The following NKAIN2 variants were observed in gnomAD, a reference collection of about 807,000 sequenced individuals.
NKAIN2 encodes sodium/potassium-transporting ATPase subunit beta-1-interacting protein 2.
Under a neutral mutation model 32.6 loss-of-function variants are expected in NKAIN2, and 14 were observed. The ratio of observed to expected loss-of-function variants is 0.43; its 90% CI spans 0.28 to 0.67. NKAIN2 has a LOEUF of 0.67. Ranked by LOEUF, NKAIN2 falls within the 30% of genes least tolerant of loss-of-function variation. The probability of loss-of-function intolerance (pLI) is 0.17; values close to 1 mark genes in which losing one functional copy is unlikely to be tolerated. For missense variants in NKAIN2, 198 were observed against 258.3 expected (o/e 0.77, Z 1.60); for synonymous variants, 80 against 87.2 (o/e 0.92, Z 0.46).
At chr6:124,209,585 G>T (rs1054028759) in intron 1 of NKAIN2, among the ~76,000 whole-genome samples, 1 of 151,626 alleles carries the variant, frequency 6.6e-6, no homozygotes, top group East Asian at 1.9e-4. Flanking sequence ...AGTATACAAG[G>T]GTTACCCTTT....
chr6:124,185,963 C>T (rs1265535035), intron 1 of NKAIN2, among the ~76,000 whole-genome samples: 1 of 151,694 alleles, frequency 6.6e-6, no homozygotes, highest in African/African-American at 2.4e-5. Context: ...AAAGCATTTG[C>T]TTGTTACCCA....
chr6:124,068,795 A>G (rs1783309296), intron 1 of NKAIN2, among the ~76,000 whole-genome samples: 1 of 151,588 alleles, frequency 6.6e-6, no homozygotes, highest in African/African-American at 2.4e-5. Flanking sequence ...ACTACACCAT[A>G]TGTCTTTTGA....
intron 2 of NKAIN2, among the ~76,000 whole-genome samples, chr6:124,351,874 G>A (rs1798750507): frequency 6.6e-6 from 1 of 152,044 alleles, no homozygotes; most frequent in Non-Finnish European, 1.5e-5. Context: ...ACCCACCTCG[G>A]CCTCCCAAAG....
chr6:124,585,452 TAA>T (rs1269142373), intron 3 of NKAIN2, among the ~76,000 whole-genome samples: 4 of 152,274 alleles, frequency 2.6e-5, no homozygotes, highest in South Asian at 2.1e-4. Context: ...TAAAAATAAC[TAA>T]AAGAGTATAA....
chr6:123,871,512 G>C (rs1772877501), intron 1 of NKAIN2, among the ~76,000 whole-genome samples: 1 of 151,942 alleles, frequency 6.6e-6, no homozygotes, highest in African/African-American at 2.4e-5. Flanking sequence ...CCCCCCAGTT[G>C]AATGCTGTTT....
intron 3 of NKAIN2, among the ~76,000 whole-genome samples, chr6:124,632,647 A>C (rs116877880): frequency 0.027 from 4,174 of 152,204 alleles, 100 homozygotes; most frequent in Admixed American, 0.05. Context: ...TTGGCTTTGT[A>C]TGTTATAAAA....
At chr6:124,724,697 G>T (rs1776189263) in intron 4 of NKAIN2, among the ~76,000 whole-genome samples, 1 of 152,212 alleles carries the variant, frequency 6.6e-6, no homozygotes, top group African/African-American at 2.4e-5. Context: ...AATTAAGGAT[G>T]AGGATTATGT....
At chr6:124,796,087 C>T (rs1237048408) in intron 5 of NKAIN2, among the ~76,000 whole-genome samples, 1 of 152,066 alleles carries the variant, frequency 6.6e-6, no homozygotes, top group Non-Finnish European at 1.5e-5. Flanking sequence ...GCTGTACCTA[C>T]CAGGGGATGA....
intron 3 of NKAIN2, among the ~76,000 whole-genome samples, chr6:124,377,747 C>T (rs557198811): frequency 4.7e-4 from 72 of 152,178 alleles, no homozygotes; most frequent in Non-Finnish European, 8.5e-4. Flanking sequence ...TGATTTTTAG[C>T]GTGGAATGAC....
At chr6:123,867,862 A>ATTTTTTTTTTTTTTT (rs1201240894) in intron 1 of NKAIN2, among the ~76,000 whole-genome samples, 1 of 129,198 alleles carries the variant, frequency 7.7e-6, no homozygotes. Flanking sequence ...TACTGGGTTC[A>ATTTTTTTTTTTTTTT]TTTTTTTTTT....
chr6:124,239,608 A>G (rs942854573), intron 1 of NKAIN2, among the ~76,000 whole-genome samples: 4 of 152,162 alleles, frequency 2.6e-5, no homozygotes, highest in African/African-American at 9.7e-5. Flanking sequence ...ACACCACACA[A>G]CTACATGGAA....
At chr6:124,406,639 A>T (rs536231571) in intron 3 of NKAIN2, among the ~76,000 whole-genome samples, 2 of 152,144 alleles carry the variant, frequency 1.3e-5, no homozygotes, top group East Asian at 1.9e-4. Flanking sequence ...TGTATGTTTA[A>T]TTTTTAGCAA....
intron 3 of NKAIN2, among the ~76,000 whole-genome samples, chr6:124,413,903 A>C (rs963062147): frequency 6.6e-6 from 1 of 152,124 alleles, no homozygotes; most frequent in Non-Finnish European, 1.5e-5. Context: ...TACTAAACTC[A>C]TTTATTAGAT....
At chr6:123,836,432 A>G (rs1774625022) in intron 1 of NKAIN2, among the ~76,000 whole-genome samples, 1 of 152,068 alleles carries the variant, frequency 6.6e-6, no homozygotes, top group Non-Finnish European at 1.5e-5. Flanking sequence ...CTTCTGTGGC[A>G]TTCTTCCCCA....
chr6:124,060,604 G>A (rs955471044), intron 1 of NKAIN2, among the ~76,000 whole-genome samples: 1 of 152,078 alleles, frequency 6.6e-6, no homozygotes, highest in African/African-American at 2.4e-5. Flanking sequence ...TGTAAGTTAT[G>A]TCTGCCATGT....
chr6:124,312,112 G>A (rs903407235), intron 2 of NKAIN2, among the ~76,000 whole-genome samples: 2 of 152,028 alleles, frequency 1.3e-5, no homozygotes, highest in East Asian at 1.9e-4. Flanking sequence ...ATTTAGCATC[G>A]CTTTCTCTTT....
At chr6:124,661,469 C>T (rs910420544) in intron 4 of NKAIN2, among the ~76,000 whole-genome samples, 4 of 152,306 alleles carry the variant, frequency 2.6e-5, no homozygotes, top group Middle Eastern at 3.4e-3. Flanking sequence ...CCCTGTTGTT[C>T]GGTTTTCTGC....
chr6:123,884,266 G>A (rs1027452934), intron 1 of NKAIN2, among the ~76,000 whole-genome samples: 2 of 152,022 alleles, frequency 1.3e-5, no homozygotes, highest in African/African-American at 4.8e-5. Flanking sequence ...CATCCAGTCC[G>A]TGCAAAGAAC....
chr6:124,597,768 A>T (rs993982730), intron 3 of NKAIN2, among the ~76,000 whole-genome samples: 7 of 152,166 alleles, frequency 4.6e-5, no homozygotes, highest in Admixed American at 4.6e-4. Context: ...CCCTGAACAA[A>T]TGGTTTCAGC....
Sources: allele counts gnomAD v4.1 joint callset (sites outside exome capture counted in the v4.1 genomes callset), GRCh38; gene constraint gnomAD v4.1.1; transcripts MANE v1.5; gene names NCBI Gene and HGNC (gene_info 2026-07-23, HGNC 2026-07-21).